ZNF285: variants seen among roughly 807,000 people sequenced by gnomAD.
ZNF285 encodes zinc finger protein 285A.
Under a neutral mutation model 6.2 loss-of-function variants are expected in ZNF285, and 4 were observed. The ratio of observed to expected loss-of-function variants is 0.65; its 90% CI spans 0.32 to 1.49. ZNF285 has a LOEUF of 1.49. ZNF285 is among the 40% of genes most tolerant of loss of function. The probability of loss-of-function intolerance (pLI) is 0.07; values close to 1 mark genes in which losing one functional copy is unlikely to be tolerated. For synonymous variants in ZNF285, 240 were observed against 245.8 expected (o/e 0.98, Z 0.22); for missense variants, 695 against 708.8 (o/e 0.98, Z 0.22).
rs376214387 is a variant in ZNF285, at chr19:44,386,576, C to T, written c.1669G>A (p.Ala557Thr). 7 of 1,614,128 alleles carry T rather than the reference C, an allele frequency of 4.3e-6. No individual in the cohort carries two copies. In the African/African-American group the frequency reaches 9.3e-5, roughly 22 times the overall value. Residue 557 changes from alanine to threonine, a missense_variant, in exon 4 of 4, where the codon GCC becomes ACC. Transcript: ENST00000614994. Reference protein sequence around the residue: ...KGFSRNSYLLAHQRVHIDETQ... With the variant: ...KGFSRNSYLLTHQRVHIDETQ... ...TCATCTATATGCACTCTCTGATGGG[C>T]AAGGAGGTATGAATTACGACTGAAG...
At position 44,385,000 on chromosome 19, in the gene ZNF285, CAAAAAAAAAAAAA is replaced by C. The variant is rs56735186; in HGVS notation, c.*1459_*1471del. 1.9e-4 allele frequency: 12 copies of C among 64,382 alleles called. No homozygotes were observed. The highest frequency in any genetic ancestry group is 3.5e-4 in the Non-Finnish European group (12 of 34,482). 4.0% of individuals were successfully genotyped at this position (64,382 alleles called of 1,614,324 possible). On this transcript the variant is annotated 3_prime_UTR_variant, in exon 4 of 4. Transcript: ENST00000614994. Reference sequence around the variant, plus strand: ...GGGTGACACAGCAAGACCCTGTTTCCAAAAAAAAAAAAAAAAAAAAAAAGCAAAGAGATCTCCT... The same window carrying C: ...GGGTGACACAGCAAGACCCTGTTTCCAAAAAAAAAAGCAAAGAGATCTCCT...
In ZNF285 at chr19:44,387,694, C is replaced by T. The variant is rs748561574; in HGVS notation, c.551G>A (p.Ser184Asn). 2 of 1,613,888 alleles carry T rather than the reference C, an allele frequency of 1.2e-6. No homozygotes were observed. The highest frequency in any genetic ancestry group is 4.5e-5 in the East Asian group (2 of 44,880). Residue 184 changes from serine (S) to asparagine (N), a missense_variant, in exon 4 of 4, where the codon AGC becomes AAC. Coordinates refer to ENST00000614994, the MANE Select transcript of ZNF285 (RefSeq NM_152354.6). ...ATGATCACATGAGGTCCAACTGAGG[C>T]TGTCATCATGCTGAGCACGTCTGTA... Reference protein sequence around the residue: ...KLYRRAQHDDSLSWTSCDHHE... With the variant: ...KLYRRAQHDDNLSWTSCDHHE...
At chr19:44,388,913 G>A (rs1228592824) in intron 3 of ZNF285, among the ~76,000 whole-genome samples, 5 of 145,054 alleles carry the variant, frequency 3.4e-5, no homozygotes, top group Non-Finnish European at 5.9e-5. Flanking sequence ...TGTACATGAT[G>A]AGCCTTAAGG....
intron 1 of ZNF285, among the ~76,000 whole-genome samples, chr19:44,399,452 C>G (rs941615301): frequency 6.9e-6 from 1 of 144,244 alleles, no homozygotes; most frequent in Non-Finnish European, 1.5e-5. Flanking sequence ...AGGATCTTAT[C>G]ATTTAACAAG....
chr19:44,398,956 A>G (rs1257459011), intron 1 of ZNF285, among the ~76,000 whole-genome samples: 1 of 152,124 alleles, frequency 6.6e-6, no homozygotes, highest in Admixed American at 6.5e-5. Context: ...ATATTCTGGT[A>G]AGATACAGTA....
chr19:44,387,633 A>C lies in ZNF285; in HGVS notation c.612T>G (p.Gly204=). 6.2e-7 allele frequency: 1 copy of C among 1,613,854 alleles called. No individual in the cohort carries two copies. Among genetic ancestry groups the C allele is most frequent in the Non-Finnish European group, 8.5e-7 (1 of 1,179,830 alleles). ...AGTTTTTCCCACAGCTGGGATGTCT[A>C]CCAGGGTCCTCTCCTTTACATTCTT... The part of the protein sequence containing the change: ...ESQECKGEDP[G]RHPSCGKNLG... The change falls in exon 4 of 4, where the codon GGT becomes GGG. Residue 204 remains glycine, a synonymous_variant. Coordinates refer to ENST00000614994, the MANE Select transcript of ZNF285 (RefSeq NM_152354.6).
In ZNF285 at chr19:44,387,876, G is replaced by A. The variant is rs749767913; in HGVS notation, c.369C>T (p.Asn123=). The part of the protein sequence containing the change: ...GISLQISENE[N]YVVNAIIKNQ... ...TTTTGATAATGGCATTTACTACATA[G>A]TTTTCATTTTCAGAAATCTGAAGAG... The change falls in exon 4 of 4, where the codon AAC becomes AAT. Residue 123 remains asparagine (N), a synonymous_variant. Coordinates refer to ENST00000614994, the MANE Select transcript of ZNF285 (RefSeq NM_152354.6). The A allele has an allele frequency of 6.2e-7, 1 of 1,613,904 alleles. No individual in the cohort carries two copies. Among genetic ancestry groups the A allele is most frequent in the Admixed American group, 1.7e-5 (1 of 59,984 alleles).
intron 1 of ZNF285, among the ~76,000 whole-genome samples, chr19:44,401,139 A>T (rs1278077576): frequency 6.6e-6 from 1 of 152,022 alleles, no homozygotes; most frequent in Non-Finnish European, 1.5e-5. Context: ...ATATCCAGAG[A>T]CTAGCTGCTT....
intron 2 of ZNF285, among the ~76,000 whole-genome samples, chr19:44,393,603 T>C (rs1157733822): frequency 6.6e-6 from 1 of 152,196 alleles, no homozygotes. Context: ...GGTAGTTTCT[T>C]TTGCTGTGCA....
rs183772562 is a variant in ZNF285, at chr19:44,393,688, T to C, written c.16-1222A>G. Reference sequence around the variant, plus strand: ...GCATCATCACTGGCCATCAGAGAAATGCAAATCAAAACCACAATGAGATAC... The same window carrying C: ...GCATCATCACTGGCCATCAGAGAAACGCAAATCAAAACCACAATGAGATAC... On this transcript the variant is annotated intron_variant, in intron 2 of 3. Coordinates refer to ENST00000614994, the MANE Select transcript of ZNF285 (RefSeq NM_152354.6). Among the ~76,000 whole-genome samples the C allele has an allele frequency of 9.9e-4, 151 of 152,246 alleles. 3 individuals carry two copies. The highest frequency in any genetic ancestry group is 3.6e-3 in the African/African-American group (149 of 41,520).
intron 2 of ZNF285, among the ~76,000 whole-genome samples, chr19:44,395,707 C>G (rs1480097269): frequency 3.3e-5 from 5 of 152,084 alleles, no homozygotes; most frequent in Admixed American, 6.5e-5. Flanking sequence ...ACTAAAGGAC[C>G]AGAGTGTGTT....
chr19:44,399,615 A>G (rs2437018), intron 1 of ZNF285, among the ~76,000 whole-genome samples: 60,449 of 151,520 alleles, frequency 0.4, 16,107 homozygotes, highest in East Asian at 0.75. Context: ...TTTATTTTGA[A>G]GCACACATCC....
Position 44,386,374 on chromosome 19 carries a change from C to G in ZNF285, c.*98G>C. On this transcript the variant is annotated 3_prime_UTR_variant, in exon 4 of 4. Transcript: ENST00000614994. Reference sequence around the variant, plus strand: ...ACATTATCGATGGCAGTGTCCCTGTCTTTTGCTCCCCTAGCCCTCCCACAG... The same window carrying G: ...ACATTATCGATGGCAGTGTCCCTGTGTTTTGCTCCCCTAGCCCTCCCACAG... 4 of 1,315,294 alleles carry G rather than the reference C, an allele frequency of 3.0e-6. No individual in the cohort carries two copies. In the South Asian group the frequency reaches 4.4e-5, roughly 14 times the overall value. The allele number at this position is 1,315,294 out of a possible 1,614,324, so 81.5% of individuals were successfully genotyped here.
At chr19:44,391,024 CAT>C (rs1294960820) in intron 3 of ZNF285, among the ~76,000 whole-genome samples, 2 of 151,694 alleles carry the variant, frequency 1.3e-5, no homozygotes, top group Non-Finnish European at 2.9e-5. Flanking sequence ...TGTGGTGGTG[CAT>C]GTCTGTAGTC....
Position 44,388,072 on chromosome 19 carries a change from A to T in ZNF285, c.173T>A (p.Leu58His). 2.5e-6 allele frequency: 4 copies of T among 1,613,664 alleles called. No individual in the cohort carries two copies. The highest frequency in any genetic ancestry group is 3.4e-6 in the Non-Finnish European group (4 of 1,179,834). Reference sequence around the variant, plus strand: ...AAGGTAACTTAACCCCTTTGCCTGAAGATTCAAAATGTTGTTTTTAATCCC... The same window carrying T: ...AAGGTAACTTAACCCCTTTGCCTGATGATTCAAAATGTTGTTTTTAATCCC... ...RDGIKNNILNLQAKGLSYLSQ... is the reference protein window; with the variant it reads ...RDGIKNNILNHQAKGLSYLSQ... The change falls in exon 4 of 4, where the codon CTT becomes CAT. Residue 58 changes from leucine to histidine, a missense_variant. Transcript: ENST00000614994.
At chr19:44,400,908 G>A (rs538789834) in intron 1 of ZNF285, among the ~76,000 whole-genome samples, 1 of 152,116 alleles carries the variant, frequency 6.6e-6, no homozygotes, top group African/African-American at 2.4e-5. Context: ...AAATGTATTC[G>A]GTGACATTAA....
chr19:44,397,543 T>A (rs1241255190), intron 1 of ZNF285, among the ~76,000 whole-genome samples: 1 of 152,146 alleles, frequency 6.6e-6, no homozygotes, highest in Non-Finnish European at 1.5e-5. Flanking sequence ...TGACATAATC[T>A]ACATCTCAAT....
rs563195355 is a variant in ZNF285 at position 44,383,543 on chromosome 19, C to A, written c.*2929G>T. 6.6e-6 allele frequency: 1 copy of A among 152,238 alleles called. No individual in the cohort carries two copies. Among genetic ancestry groups the A allele is most frequent in the East Asian group, 1.9e-4 (1 of 5,182 alleles). 9.4% of individuals were successfully genotyped at this position (152,238 alleles called of 1,614,324 possible). A position where few individuals can be genotyped will look rare whatever the true frequency, so the allele number is the denominator to read the frequency against. On this transcript the variant is annotated 3_prime_UTR_variant, in exon 4 of 4. Coordinates refer to ENST00000614994, the MANE Select transcript of ZNF285 (RefSeq NM_152354.6). ...CTGACTGCAGATGCATGTACAAAGC[C>A]CAGTTAAGATAATCTAGCATGTCCC...
In ZNF285 at chr19:44,386,845, T is replaced by C. The variant is rs779387599; in HGVS notation, c.1400A>G (p.Tyr467Cys). 3.5e-5 allele frequency: 57 copies of C among 1,614,120 alleles called. No individual in the cohort carries two copies. The highest frequency in any genetic ancestry group is 4.5e-5 in the Non-Finnish European group (53 of 1,180,046). The change falls in exon 4 of 4, where the codon TAT becomes TGT. Residue 467 changes from tyrosine to cysteine, a missense_variant. Transcript: ENST00000614994. Reference sequence around the variant, plus strand: ...CTGATGAGTGTGAAGAACAGAGCTATACGCAAAATCCTTTCCACACACATT... The same window carrying C: ...CTGATGAGTGTGAAGAACAGAGCTACACGCAAAATCCTTTCCACACACATT... The part of the protein sequence containing the change: ...KCNVCGKDFA[Y>C]SSVLHTHQRV...
Sources: allele counts gnomAD v4.1 joint callset (sites outside exome capture counted in the v4.1 genomes callset), GRCh38; gene constraint gnomAD v4.1.1; transcripts MANE v1.5; gene names NCBI Gene and HGNC (gene_info 2026-07-23, HGNC 2026-07-21).